The following RNF121 variants were observed in gnomAD, a reference collection of about 807,000 sequenced individuals.
RNF121 encodes ring finger protein 121, also known as E3 ubiquitin ligase RNF121.
RNF121 carries 21 observed loss-of-function variants against 46.5 expected under a neutral mutation model. That is an observed-to-expected ratio of 0.45 (90% CI 0.32 to 0.65). The LOEUF (loss-of-function observed/expected upper bound fraction) is 0.65. Among genes scored for constraint, RNF121 ranks in the 30% least tolerant of loss-of-function variants. RNF121 has a pLI of 0.04. For synonymous variants in RNF121, 139 were observed against 144.7 expected (o/e 0.96, Z 0.28); for missense variants, 346 against 416.0 (o/e 0.83, Z 1.46).
intron 1 of RNF121, among the ~76,000 whole-genome samples, chr11:71,945,416 ATTC>A (rs1953690839): frequency 6.6e-6 from 1 of 152,188 alleles, no homozygotes; most frequent in South Asian, 2.1e-4. Flanking sequence ...GTTCCTCTGG[ATTC>A]TTCTGCAATA....
intron 3 of RNF121, among the ~76,000 whole-genome samples, chr11:71,965,613 T>G (rs74322193): frequency 0.015 from 2,356 of 152,342 alleles, 65 homozygotes; most frequent in African/African-American, 0.053. Context: ...ACTTGTTAAT[T>G]AACAGTTTAT....
At chr11:71,981,776 G>A (rs1377166000) in intron 3 of RNF121, among the ~76,000 whole-genome samples, 3 of 152,030 alleles carry the variant, frequency 2.0e-5, no homozygotes, top group Non-Finnish European at 4.4e-5. Context: ...CTTACTTATC[G>A]GAATTTATTG....
At chr11:71,959,497 G>A (rs1198433784) in intron 2 of RNF121, among the ~76,000 whole-genome samples, 1 of 151,994 alleles carries the variant, frequency 6.6e-6, no homozygotes, top group Admixed American at 6.6e-5. Flanking sequence ...AAATACCCTG[G>A]TGTAATGGGA....
chr11:71,980,357 T>TCCTGTAAAAA (rs1213709997), intron 3 of RNF121, among the ~76,000 whole-genome samples: 114 of 152,294 alleles, frequency 7.5e-4, no homozygotes, highest in African/African-American at 2.6e-3. Flanking sequence ...ACACTTTTTT[T>TCCTGTAAAAA]TTTTTAAGAT....
intron 1 of RNF121, among the ~76,000 whole-genome samples, chr11:71,954,252 T>C (rs1296858337): frequency 6.6e-6 from 1 of 152,224 alleles, no homozygotes; most frequent in East Asian, 1.9e-4. Context: ...TCCCTTATTT[T>C]TTTTTACTTG....
At chr11:71,930,014 A>G (rs1392496846) in intron 1 of RNF121, among the ~76,000 whole-genome samples, 9 of 152,160 alleles carry the variant, frequency 5.9e-5, no homozygotes, top group Admixed American at 4.6e-4. Flanking sequence ...CCCTTTACCT[A>G]TCTAATAGGC....
At chr11:71,964,832 G>GGATGTGT (rs1223471949) in intron 3 of RNF121, among the ~76,000 whole-genome samples, 1 of 152,090 alleles carries the variant, frequency 6.6e-6, no homozygotes, top group Non-Finnish European at 1.5e-5. Context: ...GTTGTGGAGG[G>GGATGTGT]GATGTTTGTG....
chr11:71,948,253 C>T (rs1305948411), intron 1 of RNF121, among the ~76,000 whole-genome samples: 3 of 152,090 alleles, frequency 2.0e-5, no homozygotes, highest in African/African-American at 4.8e-5. Flanking sequence ...CGGTGGCTCA[C>T]GCCTGTAATC....
At position 71,960,832 on chromosome 11, in the gene RNF121, T is replaced by A; in HGVS notation, c.184T>A (p.Leu62Met). 1 of 1,614,098 alleles carries A rather than the reference T, an allele frequency of 6.2e-7. No homozygotes were observed. The highest frequency in any genetic ancestry group is 8.5e-7 in the Non-Finnish European group (1 of 1,180,004). Reference protein sequence around the residue: ...AEMVLILIATLVVAQLLLVQW... With the variant: ...AEMVLILIATMVVAQLLLVQW... Reference sequence around the variant, plus strand: ...AATGGTCCTCATCCTCATCGCAACCTTGGTGGTGGCCCAGCTGCTCCTGGT... The same window carrying A: ...AATGGTCCTCATCCTCATCGCAACCATGGTGGTGGCCCAGCTGCTCCTGGT... Residue 62 changes from leucine (L) to methionine (M), a missense_variant, in exon 3 of 9, where the codon TTG (leucine) becomes ATG (methionine). By Grantham distance (15) the Leu-to-Met change is conservative. Around this residue, in one of 2 missense-constraint regions of RNF121, gnomAD observed 286 missense variants for 383.8 expected, o/e 0.75. Transcript: ENST00000361756.
intron 3 of RNF121, among the ~76,000 whole-genome samples, chr11:71,970,514 T>G (rs1189853921): frequency 6.6e-6 from 1 of 151,982 alleles, no homozygotes; most frequent in Non-Finnish European, 1.5e-5. Flanking sequence ...TTTTAAAAAT[T>G]AGCTGACTGT....
chr11:71,994,363 G>A (rs750732255), intron 6 of RNF121, among the ~76,000 whole-genome samples: 9 of 152,156 alleles, frequency 5.9e-5, no homozygotes, highest in Non-Finnish European at 1.0e-4. Flanking sequence ...ATAGTCTGGC[G>A]ACAGAATGGC....
At chr11:71,931,101 C>T (rs766781794) in intron 1 of RNF121, among the ~76,000 whole-genome samples, 2 of 152,170 alleles carry the variant, frequency 1.3e-5, no homozygotes, top group Non-Finnish European at 2.9e-5. Flanking sequence ...CCCAAATGTG[C>T]TGGGATTACA....
At chr11:71,982,275 A>ACAGTGAGC (rs921726350) in intron 3 of RNF121, among the ~76,000 whole-genome samples, 1 of 141,656 alleles carries the variant, frequency 7.1e-6, no homozygotes, top group Non-Finnish European at 1.5e-5. Context: ...GGCAGAGGCT[A>ACAGTGAGC]CAGTGAGCCA....
At chr11:71,944,915 G>A (rs934319437) in intron 1 of RNF121, among the ~76,000 whole-genome samples, 1 of 152,136 alleles carries the variant, frequency 6.6e-6, no homozygotes, top group Non-Finnish European at 1.5e-5. Flanking sequence ...TGTTAAGTTT[G>A]GAAAGTATTT....
intron 1 of RNF121, among the ~76,000 whole-genome samples, chr11:71,956,526 C>T (rs1470429317): frequency 3.3e-5 from 5 of 152,284 alleles, no homozygotes; most frequent in South Asian, 2.1e-4. Flanking sequence ...CCAAATAGAA[C>T]GAGAACTTTG....
At chr11:71,948,761 G>A (rs1330032506) in intron 1 of RNF121, among the ~76,000 whole-genome samples, 1 of 152,160 alleles carries the variant, frequency 6.6e-6, no homozygotes. Flanking sequence ...CAACTTATTA[G>A]CCTTGAATTC....
At position 71,954,281 on chromosome 11, in the gene RNF121, G is replaced by T. The variant is rs576489595; in HGVS notation, c.64-2946G>T. On this transcript the variant is annotated intron_variant, in intron 1 of 8. Transcript: ENST00000361756. Reference sequence around the variant, plus strand: ...TTACTTGAGCAGGAAGACTGGTTTGGATGTAACTTAAATAACCTTTTTGGT... The same window carrying T: ...TTACTTGAGCAGGAAGACTGGTTTGTATGTAACTTAAATAACCTTTTTGGT... 3.7e-4 allele frequency among the ~76,000 whole-genome samples: 56 copies of T among 152,234 alleles called. 1 individual carries two copies. Among genetic ancestry groups the T allele is most frequent in the Non-Finnish European group, 8.8e-5 (6 of 68,030 alleles).
At chr11:71,951,896 G>A (rs768471351) in intron 1 of RNF121, among the ~76,000 whole-genome samples, 11 of 152,152 alleles carry the variant, frequency 7.2e-5, no homozygotes, top group East Asian at 3.9e-4. Context: ...TACAGCTGCC[G>A]TGGAAAACAG....
intron 1 of RNF121, among the ~76,000 whole-genome samples, chr11:71,949,731 T>C (rs1202476616): frequency 6.6e-6 from 1 of 151,414 alleles, no homozygotes; most frequent in East Asian, 2.0e-4. Flanking sequence ...GCACGGTGGC[T>C]CACACCTGTA....
Sources: allele counts gnomAD v4.1 joint callset (sites outside exome capture counted in the v4.1 genomes callset), GRCh38; gene constraint gnomAD v4.1.1; regional missense constraint gnomAD v4.1.1; transcripts MANE v1.5; gene names NCBI Gene and HGNC (gene_info 2026-07-23, HGNC 2026-07-21).